Variants in PHACTR1 observed in about 807,000 individuals in gnomAD.
The protein encoded by PHACTR1 is phosphatase and actin regulator 1, also known as RPEL repeat containing 1.
In PHACTR1, 16 loss-of-function variants were observed where a neutral mutation model predicts 69.2. The ratio of observed to expected loss-of-function variants is 0.23; its 90% CI spans 0.16 to 0.35. The LOEUF is 0.35. Ranked by LOEUF, PHACTR1 falls within the 10% of genes least tolerant of loss-of-function variation. The pLI is 1.00. For missense variants in PHACTR1, 510 were observed against 734.7 expected (o/e 0.69, Z 3.54); for synonymous variants, 312 against 284.5 (o/e 1.10, Z -0.97).
chr6:13,251,210 G>A (rs533758833), intron 10 of PHACTR1, among the ~76,000 whole-genome samples: 53 of 152,338 alleles, frequency 3.5e-4, no homozygotes, highest in African/African-American at 1.3e-3. Flanking sequence ...TCTTGTTAGA[G>A]ACACATCGGG....
At chr6:12,753,106 A>G (rs1392337280) in intron 4 of PHACTR1, among the ~76,000 whole-genome samples, 1 of 152,242 alleles carries the variant, frequency 6.6e-6, no homozygotes, top group Non-Finnish European at 1.5e-5. Context: ...AGGAATTCAA[A>G]TGTGTTAAAA....
intron 5 of PHACTR1, among the ~76,000 whole-genome samples, chr6:13,067,189 T>G (rs778454060): frequency 1.8e-4 from 28 of 152,344 alleles, no homozygotes; most frequent in Non-Finnish European, 2.6e-4. Flanking sequence ...GACCCTTTCC[T>G]TGCCTTATGG....
intron 5 of PHACTR1, among the ~76,000 whole-genome samples, chr6:13,106,291 T>C (rs1410600317): frequency 6.6e-6 from 1 of 152,174 alleles, no homozygotes; most frequent in Non-Finnish European, 1.5e-5. Flanking sequence ...TATTTTTATC[T>C]TGCTTGATTG....
chr6:13,071,787 A>C (rs1185341831), intron 5 of PHACTR1, among the ~76,000 whole-genome samples: 2 of 152,170 alleles, frequency 1.3e-5, no homozygotes, highest in Admixed American at 6.5e-5. Flanking sequence ...ACCTCTGTTA[A>C]AATGTAGGAA....
chr6:13,194,154 C>T (rs1764012698), intron 7 of PHACTR1, among the ~76,000 whole-genome samples: 1 of 152,174 alleles, frequency 6.6e-6, no homozygotes, highest in Admixed American at 6.5e-5. Context: ...CCTGTAATCC[C>T]AGTACTTTGG....
intron 4 of PHACTR1, among the ~76,000 whole-genome samples, chr6:12,831,799 C>T (rs1777612424): frequency 6.6e-6 from 1 of 152,146 alleles, no homozygotes; most frequent in Non-Finnish European, 1.5e-5. Context: ...GGAAAATACA[C>T]TTCTCATTAA....
chr6:13,047,687 C>T (rs1056198484), intron 4 of PHACTR1, among the ~76,000 whole-genome samples: 6 of 152,146 alleles, frequency 3.9e-5, no homozygotes, highest in African/African-American at 1.4e-4. Context: ...GGGCTGCCCT[C>T]CTGCCTCTGG....
chr6:12,741,943 T>A, intron 3 of PHACTR1, among the ~76,000 whole-genome samples: 1 of 152,188 alleles, frequency 6.6e-6, no homozygotes, highest in East Asian at 1.9e-4. Flanking sequence ...TCAGTAATGT[T>A]TTATAGTTTT....
At position 12,790,676 on chromosome 6, in the gene PHACTR1, A is replaced by G. The variant is rs1312149238; in HGVS notation, c.250+40886A>G. Reference sequence around the variant, plus strand: ...TCATGGCCAATTTATGGAAAAGAGGATATTATTAGAAGTACATAGGATGGA... The same window carrying G: ...TCATGGCCAATTTATGGAAAAGAGGGTATTATTAGAAGTACATAGGATGGA... On this transcript the variant is annotated intron_variant, in intron 4 of 14. Transcript: ENST00000332995. Among the ~76,000 whole-genome samples the G allele has an allele frequency of 2.0e-5, 3 of 152,174 alleles. No individual in the cohort carries two copies. The East Asian group carries it at 5.8e-4, about 29-fold the overall frequency.
chr6:12,830,125 G>GAAAGAAAGAACGAAAGAAAGAAAGA (rs1777337882), intron 4 of PHACTR1, among the ~76,000 whole-genome samples: 2 of 126,610 alleles, frequency 1.6e-5, no homozygotes, highest in African/African-American at 3.1e-5. Flanking sequence ...AAGAAAGAAA[G>GAAAGAAAGAACGAAAGAAAGAAAGA]AAAGAAAGAA....
chr6:13,053,216 G>A (rs1806223188), intron 4 of PHACTR1, 149 bp from the exon 5 acceptor site: 1 of 873,580 alleles, frequency 1.1e-6, no homozygotes, highest in Admixed American at 3.1e-5. Context: ...GAACACACTG[G>A]TGTGACTTCC....
At chr6:12,943,373 G>A (rs2127543167) in intron 4 of PHACTR1, among the ~76,000 whole-genome samples, 1 of 152,328 alleles carries the variant, frequency 6.6e-6, no homozygotes, top group South Asian at 2.1e-4. Context: ...AATGAGGTAT[G>A]ATTGTTTCTT....
intron 4 of PHACTR1, among the ~76,000 whole-genome samples, chr6:13,017,477 G>C (rs1210825429): frequency 2.6e-5 from 4 of 152,140 alleles, no homozygotes; most frequent in Non-Finnish European, 4.4e-5. Context: ...GCTGACTTTA[G>C]TGGGGATAGA....
intron 5 of PHACTR1, among the ~76,000 whole-genome samples, chr6:13,101,887 T>C (rs745645789): frequency 2.0e-5 from 3 of 152,176 alleles, no homozygotes; most frequent in Non-Finnish European, 2.9e-5. Flanking sequence ...GACCCACCTA[T>C]TCATGGAGGG....
intron 5 of PHACTR1, among the ~76,000 whole-genome samples, chr6:13,155,201 C>T (rs1054071644): frequency 6.6e-6 from 1 of 152,140 alleles, no homozygotes; most frequent in South Asian, 2.1e-4. Context: ...ATGTACTTAC[C>T]GTAAGTGCTG....
chr6:12,758,300 G>A (rs912255454), intron 4 of PHACTR1, among the ~76,000 whole-genome samples: 18 of 151,378 alleles, frequency 1.2e-4, no homozygotes, highest in South Asian at 6.3e-4. Context: ...AAAGTTAGCC[G>A]GTGTGGGGGC....
At position 12,884,505 on chromosome 6, in the gene PHACTR1, A is replaced by T. The variant is rs564165351; in HGVS notation, c.250+134715A>T. On this transcript the variant is annotated intron_variant, in intron 4 of 14. Coordinates refer to ENST00000332995, the MANE Select transcript of PHACTR1 (RefSeq NM_030948.6). Reference sequence around the variant, plus strand: ...AAGCTCCGCCTCCTGGGTTCATGCCACTCCCTTGCCTCAGCCTCCTAAGTA... The same window carrying T: ...AAGCTCCGCCTCCTGGGTTCATGCCTCTCCCTTGCCTCAGCCTCCTAAGTA... Among the ~76,000 whole-genome samples the T allele has an allele frequency of 3.5e-4, 52 of 149,532 alleles. No homozygotes were observed. The South Asian group carries it at 6.4e-3, about 18-fold the overall frequency.
intron 4 of PHACTR1, among the ~76,000 whole-genome samples, chr6:13,052,590 T>C (rs1806123838): frequency 6.6e-6 from 1 of 152,254 alleles, no homozygotes; most frequent in Non-Finnish European, 1.5e-5. Flanking sequence ...GTTGGGATGA[T>C]TGTGGCCTTT....
At chr6:12,923,366 A>G (rs1379911439) in intron 4 of PHACTR1, among the ~76,000 whole-genome samples, 7 of 152,228 alleles carry the variant, frequency 4.6e-5, no homozygotes, top group Non-Finnish European at 7.3e-5. Flanking sequence ...CTCTAATGAA[A>G]TTTAGGATAA....
Sources: allele counts gnomAD v4.1 joint callset (sites outside exome capture counted in the v4.1 genomes callset), GRCh38; gene constraint gnomAD v4.1.1; transcripts MANE v1.5; gene names NCBI Gene and HGNC (gene_info 2026-07-23, HGNC 2026-07-21).